OSBPL9: variants seen among roughly 807,000 people sequenced by gnomAD.
The protein encoded by OSBPL9 is oxysterol binding protein like 9.
In OSBPL9, 40 loss-of-function variants were observed where a neutral mutation model predicts 106.6. The observed-to-expected ratio is 0.38, with a 90% confidence interval of 0.29 to 0.49. The LOEUF is 0.49. OSBPL9 is among the 20% of genes least tolerant of loss of function. The probability of loss-of-function intolerance (pLI) is 0.97; values close to 1 mark genes in which losing one functional copy is unlikely to be tolerated. For missense variants in OSBPL9, 609 were observed against 887.2 expected, an observed-to-expected ratio of 0.69 and a Z score of 3.98; for synonymous variants, 269 against 295.4, an observed-to-expected ratio of 0.91 and a Z score of 0.92.
chr1:51,519,543 C>A, the OSBPL9 span, among the ~76,000 whole-genome samples: 1 of 152,074 alleles, frequency 6.6e-6, no homozygotes, highest in Non-Finnish European at 1.5e-5. Context: ...GCTGCGGAGG[C>A]GACTGCAGAT....
intron 4 of OSBPL9, among the ~76,000 whole-genome samples, chr1:51,740,614 T>A (rs1666698963): frequency 6.6e-6 from 1 of 152,274 alleles, no homozygotes; most frequent in African/African-American, 2.4e-5. Context: ...AACATATTTT[T>A]ATTATATATG....
At chr1:51,572,174 A>G in the OSBPL9 span, among the ~76,000 whole-genome samples, 1 of 152,186 alleles carries the variant, frequency 6.6e-6, no homozygotes, top group South Asian at 2.1e-4. Context: ...TCAATATGAA[A>G]ATGAGATTCA....
rs1214120082 is a variant in OSBPL9 at position 51,676,076 on chromosome 1, T to C, written c.241+6564T>C. Among the ~76,000 whole-genome samples the C allele has an allele frequency of 2.0e-5, 3 of 152,324 alleles. No homozygotes were observed. In the East Asian group the frequency reaches 5.8e-4, roughly 29 times the overall value. ...ACTGAAATTTGAACACAAACAATTG[T>C]ACCCTAGAGCCATTTTCCTCTTCAT... is the stretch of plus-strand genomic sequence containing the variant. On this transcript the variant is annotated intron_variant, in intron 3 of 23. Transcript: ENST00000428468.
intron 4 of OSBPL9, among the ~76,000 whole-genome samples, chr1:51,739,052 A>G (rs559297267): frequency 5.3e-4 from 81 of 152,166 alleles, no homozygotes; most frequent in African/African-American, 1.7e-3. Flanking sequence ...CAGGTAATTC[A>G]TTAGAAAGTT....
intron 2 of OSBPL9, among the ~76,000 whole-genome samples, chr1:51,663,111 T>G (rs1647485428): frequency 6.6e-6 from 1 of 152,008 alleles, no homozygotes; most frequent in African/African-American, 2.4e-5. Flanking sequence ...TGGAGAACAT[T>G]TATAATAGCA....
chr1:51,607,164 C>CTTTTTTTTTTT (rs1320905927), intron 2 of OSBPL9, among the ~76,000 whole-genome samples: 4 of 136,378 alleles, frequency 2.9e-5, no homozygotes, highest in Non-Finnish European at 4.8e-5. Flanking sequence ...TTTTCTTTTT[C>CTTTTTTTTTTT]TTTTTTTTTT....
chr1:51,528,895 A>G, the OSBPL9 span, among the ~76,000 whole-genome samples: 1 of 152,190 alleles, frequency 6.6e-6, no homozygotes, highest in Non-Finnish European at 1.5e-5. Flanking sequence ...AAAAAATATC[A>G]ATTCCGTTTA....
Position 51,660,945 on chromosome 1 carries a change from A to C in OSBPL9, c.163-8489A>C, listed in dbSNP as rs970459913. 4.6e-5 allele frequency among the ~76,000 whole-genome samples: 7 copies of C among 152,156 alleles called. No homozygotes were observed. In the East Asian group the frequency reaches 1.3e-3, roughly 29 times the overall value. ...CTTTGGATCAGGGTTTGCAAGACCT[A>C]GTATTCTTCTCCCTTTTAGTTGTTG... is the stretch of plus-strand genomic sequence containing the variant. On this transcript the variant is annotated intron_variant, in intron 2 of 23. Coordinates refer to ENST00000428468, the MANE Select transcript of OSBPL9 (RefSeq NM_024586.6).
chr1:51,756,584 T>G (rs1670385754), intron 9 of OSBPL9: 1 of 507,996 alleles, frequency 2.0e-6, no homozygotes. Context: ...TGAATCACTT[T>G]GCATGTATTA....
intron 1 of OSBPL9, among the ~76,000 whole-genome samples, chr1:51,651,080 G>T (rs1392715587): frequency 6.6e-6 from 1 of 152,138 alleles, no homozygotes; most frequent in Non-Finnish European, 1.5e-5. Context: ...TGCCACAACA[G>T]GGGAACACAC....
intron 3 of OSBPL9, among the ~76,000 whole-genome samples, chr1:51,689,560 A>G (rs541970019): frequency 6.6e-6 from 1 of 152,284 alleles, no homozygotes; most frequent in South Asian, 2.1e-4. Flanking sequence ...TCCCCAGAAT[A>G]TGTTAAAGAT....
intron 4 of OSBPL9, among the ~76,000 whole-genome samples, chr1:51,728,397 A>G (rs1434935300): frequency 1.3e-5 from 2 of 152,216 alleles, no homozygotes; most frequent in African/African-American, 4.8e-5. Context: ...ATGGAGAGAG[A>G]TGGACAGAAT....
At chr1:51,521,860 C>T in the OSBPL9 span, among the ~76,000 whole-genome samples, 3 of 152,112 alleles carry the variant, frequency 2.0e-5, no homozygotes, top group Non-Finnish European at 2.9e-5. Context: ...TGGGTTCAAG[C>T]GATTCTTGTG....
At chr1:51,591,623 A>G (rs1645275768) in intron 1 of OSBPL9, among the ~76,000 whole-genome samples, 1 of 152,174 alleles carries the variant, frequency 6.6e-6, no homozygotes, top group Non-Finnish European at 1.5e-5. Flanking sequence ...CGTGGCCAAC[A>G]TGGTGAAACC....
chr1:51,782,798 A>G (rs917867544), intron 17 of OSBPL9, among the ~76,000 whole-genome samples, 155 bp downstream of exon 17: 3 of 152,186 alleles, frequency 2.0e-5, no homozygotes, highest in Admixed American at 1.3e-4. Flanking sequence ...TTTGTTCCTC[A>G]TATCTTTTCC....
At chr1:51,695,375 T>C (rs546357606) in intron 3 of OSBPL9, among the ~76,000 whole-genome samples, 166 of 152,314 alleles carry the variant, frequency 1.1e-3, no homozygotes, top group African/African-American at 3.9e-3. Flanking sequence ...GTTTCAGTAT[T>C]AGTACGAAAA....
At chr1:51,716,033 C>G (rs536011784) in intron 4 of OSBPL9, among the ~76,000 whole-genome samples, 1 of 152,204 alleles carries the variant, frequency 6.6e-6, no homozygotes, top group East Asian at 1.9e-4. Flanking sequence ...GTTCAGGTTC[C>G]TAACTAGATC....
At chr1:51,546,480 G>A in the OSBPL9 span, among the ~76,000 whole-genome samples, 6 of 151,952 alleles carry the variant, frequency 3.9e-5, no homozygotes, top group East Asian at 5.8e-4. Context: ...GGTGGATCAC[G>A]AGGTCAGGAG....
At chr1:51,657,973 G>A (rs958612350) in intron 2 of OSBPL9, among the ~76,000 whole-genome samples, 2 of 151,982 alleles carry the variant, frequency 1.3e-5, no homozygotes, top group Non-Finnish European at 2.9e-5. Flanking sequence ...GCTGGGTGTG[G>A]TGGCTTACAC....
Sources: allele counts gnomAD v4.1 joint callset (sites outside exome capture counted in the v4.1 genomes callset), GRCh38; gene constraint gnomAD v4.1.1; transcripts MANE v1.5; gene names NCBI Gene and HGNC (gene_info 2026-07-23, HGNC 2026-07-21).